Variants in SUN1 observed in about 807,000 individuals in gnomAD.
SUN1 encodes the protein SUN domain-containing protein 1.
A neutral mutation model predicts 103.2 loss-of-function variants in SUN1; 61 were observed. That is an observed-to-expected ratio of 0.59 (90% CI 0.48 to 0.73). SUN1 has a LOEUF of 0.73. SUN1 is among the 30% of genes least tolerant of loss of function. The pLI, the probability that SUN1 is intolerant of heterozygous loss-of-function variation, is 0.00. For missense variants in SUN1, 1,052 were observed against 1,034.6 expected, an observed-to-expected ratio of 1.02 and a Z score of -0.23; for synonymous variants, 490 against 425.7, an observed-to-expected ratio of 1.15 and a Z score of -1.86.
At chr7:829,090 C>T (rs887599765), upstream of SUN1, among the ~76,000 whole-genome samples, 2 of 152,232 alleles carry the variant, frequency 1.3e-5, no homozygotes, top group East Asian at 1.9e-4. Context: ...GCCTGCAGAC[C>T]GCACATCTAT....
At chr7:851,631 C>G (rs1228319468) in intron 6 of SUN1, 149 bp downstream of exon 6, 41 of 750,102 alleles carry the variant, frequency 5.5e-5, no homozygotes, top group Non-Finnish European at 8.5e-5. Context: ...TATGACGTAG[C>G]AATGTTAACT....
In SUN1 at chr7:853,629, C is replaced by T. The variant is rs1177648335; in HGVS notation, c.1263+11C>T. The T allele has an allele frequency of 1.9e-6, 3 of 1,598,380 alleles. No homozygotes were observed. The East Asian group carries it at 6.7e-5, about 36-fold the overall frequency. ...CAGCCCCCGAGGGAGGTGGGTGCTG[C>T]CGGGCTACCAGGCTCCATGGTGACA... On this transcript the variant is annotated intron_variant, in intron 10 of 18. Coordinates refer to ENST00000401592, the MANE Select transcript of SUN1 (RefSeq NM_001130965.3).
At chr7:832,807 C>T (rs906186862) in intron 1 of SUN1, 1 of 539,780 alleles carries the variant, frequency 1.9e-6, no homozygotes, top group South Asian at 2.5e-5. Context: ...ATCCTGGTGA[C>T]TGGGTGGTTA....
chr7:832,105 G>A, upstream of SUN1: 1 of 1,011,630 alleles, frequency 9.9e-7, no homozygotes, highest in Non-Finnish European at 1.2e-6. Flanking sequence ...GTAGCAGGTA[G>A]TTCTATTTTA....
intron 5 of SUN1, chr7:843,879 C>T (rs566866742): frequency 9.3e-6 from 12 of 1,295,170 alleles, no homozygotes; most frequent in Admixed American, 7.8e-5. Flanking sequence ...GGCTTTGGGA[C>T]GCTGCTCTGG....
rs367835809 is a variant in SUN1 at position 842,077 on chromosome 7, C to G, written c.398C>G (p.Pro133Arg). ...SLQDAVTRRP[P>R]VLDESWIREQ... ...CAGGATGCTGTGACTCGACGGCCTC[C>G]TGTATTGGACGAGTCTTGGATTCGT... Residue 133 changes from proline to arginine, a missense_variant, in exon 3 of 19, where the codon CCT (proline) becomes CGT (arginine). Physicochemically the swap from Pro to Arg is moderately radical, Grantham distance 103. Around this residue, in one of 2 missense-constraint regions of SUN1, gnomAD observed 846 missense variants for 774.5 expected, o/e 1.09. Transcript: ENST00000401592. 4 of 1,614,126 alleles carry G rather than the reference C, an allele frequency of 2.5e-6. No homozygotes were observed. The highest frequency in any genetic ancestry group is 1.7e-6 in the Non-Finnish European group (2 of 1,180,064).
intron 15 of SUN1, among the ~76,000 whole-genome samples, chr7:861,811 C>G (rs1048794029): frequency 2.0e-5 from 3 of 152,218 alleles, no homozygotes; most frequent in Admixed American, 6.5e-5. Context: ...ACAGCTCTCC[C>G]CGAGGGCGTC....
chr7:865,958 G>A lies in SUN1; in HGVS notation c.1871G>A (p.Ser624Asn). ...VDFALESGGG[S>N]ILSTRCSETY... is the part of the protein sequence containing the mutation. ...ATCTGAACTTTGCTTTAAGGTGGCA[G>A]CATCTTGAGTACTCGCTGTTCTGAA... is the stretch of plus-strand genomic sequence containing the variant. Residue 624 changes from serine to asparagine, a missense_variant, in exon 16 of 19, where the codon AGC becomes AAC. Ser to Asn is a conservative substitution (Grantham distance 46). Around this residue, in one of 2 missense-constraint regions of SUN1, gnomAD observed 206 missense variants for 260.1 expected, o/e 0.79. Transcript: ENST00000401592. The A allele has an allele frequency of 6.2e-7, 1 of 1,614,062 alleles. No homozygotes were observed. The highest frequency in any genetic ancestry group is 8.5e-7 in the Non-Finnish European group (1 of 1,179,952).
intron 16 of SUN1, among the ~76,000 whole-genome samples, chr7:866,630 C>G (rs12700242): frequency 1.6e-4 from 14 of 87,366 alleles, no homozygotes; most frequent in South Asian, 4.6e-4. Flanking sequence ...CACCATCTCC[C>G]CGGGCCTTCG....
chr7:857,724 T>C, intron 12 of SUN1, 104 bp from the exon 13 acceptor site: 1 of 1,393,328 alleles, frequency 7.2e-7, no homozygotes, highest in Non-Finnish European at 9.5e-7. Context: ...TGTACAGTTG[T>C]GACACCCAGG....
At chr7:818,348 T>C (rs769498380) in intron 1 of SUN1, among the ~76,000 whole-genome samples, 10 of 152,256 alleles carry the variant, frequency 6.6e-5, no homozygotes, top group Non-Finnish European at 1.3e-4. Flanking sequence ...AGTTCACGCA[T>C]GTTGTAGACT....
In SUN1 at chr7:860,397, C is replaced by G; in HGVS notation, c.1779+15C>G. ...TAACAGAGGCGGTGAGTCGGCGAGT[C>G]GGCGGCAAGAGATGCTTACAGTCCA... On this transcript the variant is annotated intron_variant, in intron 14 of 18. Transcript: ENST00000401592. The G allele has an allele frequency of 6.2e-7, 1 of 1,609,458 alleles. No homozygotes were observed. Among genetic ancestry groups the G allele is most frequent in the Non-Finnish European group, 8.5e-7 (1 of 1,177,030 alleles).
intron 14 of SUN1, 44 bp downstream of exon 14, chr7:860,426 T>C (rs779215484): frequency 6.2e-7 from 1 of 1,601,004 alleles, no homozygotes; most frequent in South Asian, 1.1e-5. Context: ...CAGTCCATTC[T>C]GTGCTGAGAC....
chr7:869,431 C>T lies in SUN1; in HGVS notation c.2063C>T (p.Pro688Leu). The T allele has an allele frequency of 6.2e-7, 1 of 1,613,938 alleles. No homozygotes were observed. The highest frequency in any genetic ancestry group is 8.5e-7 in the Non-Finnish European group (1 of 1,179,896). ...LVVRLSMMIH[P>L]AAFTLEHIPK... The stretch of plus-strand genomic sequence containing the variant: ...GTGAGGCTCTCCATGATGATCCACC[C>T]AGCCGCCTTCACTCTGGAGCACATC... The change falls in exon 17 of 19, where the codon CCA becomes CTA. Residue 688 changes from proline (P) to leucine (L), a missense_variant. Physicochemically the swap from Pro to Leu is moderately conservative, Grantham distance 98. This residue lies in a region of SUN1 where 206 missense variants were observed against 260.1 expected (regional missense o/e 0.79). Transcript: ENST00000401592.
chr7:839,342 A>C (rs1474622956), intron 2 of SUN1, among the ~76,000 whole-genome samples: 1 of 152,204 alleles, frequency 6.6e-6, no homozygotes, highest in African/African-American at 2.4e-5. Context: ...AGAGGAAGGA[A>C]TCTTACAGAT....
At chr7:849,140 T>C (rs1819424302) in intron 5 of SUN1, among the ~76,000 whole-genome samples, 1 of 152,194 alleles carries the variant, frequency 6.6e-6, no homozygotes, top group Non-Finnish European at 1.5e-5. Context: ...TTTACTAAAG[T>C]AGACATGGGG....
chr7:843,967 GT>G, intron 5 of SUN1: 1 of 913,790 alleles, frequency 1.1e-6, no homozygotes, highest in Non-Finnish European at 1.3e-6. Flanking sequence ...TGTGCTTATG[GT>G]GATGGAGGGG....
chr7:860,163 G>C lies in SUN1; in HGVS notation c.1560G>C (p.Leu520=), dbSNP rs763222528. The change falls in exon 14 of 19, where the codon CTG becomes CTC. Residue 520 remains leucine (L), a synonymous_variant. Transcript: ENST00000401592. The stretch of plus-strand genomic sequence containing the variant: ...AAGTCAGAGAAATGGTGAAACTCCT[G>C]TTTTCCGAAGATCAGCAAGGCGGTT... ...DVQVREMVKL[L]FSEDQQGGSL... The C allele has an allele frequency of 3.1e-6, 5 of 1,614,110 alleles. No homozygotes were observed. In the South Asian group the frequency reaches 4.4e-5, roughly 14 times the overall value.
intron 5 of SUN1, chr7:849,596 A>G: frequency 6.9e-7 from 1 of 1,455,322 alleles, no homozygotes; most frequent in East Asian, 3.3e-5. Flanking sequence ...TAAATGGGGA[A>G]GCGCTGTGTA....
Sources: gnomAD v4.1 joint callset for allele counts (sites outside exome capture counted in the v4.1 genomes callset) on GRCh38, gnomAD v4.1.1 for gene constraint, gnomAD v4.1.1 regional missense constraint, MANE v1.5 for transcripts, NCBI Gene and HGNC (gene_info 2026-07-23, HGNC 2026-07-21) for gene names.